Variants in NARS1 observed in about 807,000 individuals in gnomAD.
NARS1 encodes asparaginyl-tRNA synthetase 1.
A neutral mutation model predicts 79.2 loss-of-function variants in NARS1; 65 were observed. The observed-to-expected ratio is 0.82, with a 90% CI of 0.67 to 1.01. NARS1 has a LOEUF of 1.01. NARS1 is among the 50% of genes least tolerant of loss of function. The probability of loss-of-function intolerance (pLI) is 0.00; values close to 1 mark genes in which losing one functional copy is unlikely to be tolerated. For missense variants in NARS1, 649 were observed against 673.8 expected (o/e 0.96, Z 0.41); for synonymous variants, 229 against 238.8 (o/e 0.96, Z 0.38).
intron 11 of NARS1, among the ~76,000 whole-genome samples, chr18:57,605,277 A>G (rs911722465): frequency 1.8e-4 from 27 of 151,914 alleles, no homozygotes; most frequent in African/African-American, 6.5e-4. Context: ...ATGAAGGAAG[A>G]GGGAAGAGGC....
At chr18:57,620,439 T>G in intron 2 of NARS1, 130 bp downstream of exon 2, 1 of 635,756 alleles carries the variant, frequency 1.6e-6, no homozygotes, top group Non-Finnish European at 2.8e-6. Flanking sequence ...TATGCATTCC[T>G]TACTTTCCCT....
At chr18:57,619,287 T>A (rs997178543) in intron 2 of NARS1, among the ~76,000 whole-genome samples, 3 of 133,930 alleles carry the variant, frequency 2.2e-5, no homozygotes, top group Non-Finnish European at 4.9e-5. Context: ...TTTTTTTTTT[T>A]GGTAGTTGGC....
Position 57,607,296 on chromosome 18 carries a change from CCTT to C in NARS1, c.836_838del (p.Glu279del). ...GTCAAGCTTGAAGAGTGTGGCACCACCTTCTACTTGTGTTTGCACTAATGTTGG... is the reference window on the plus strand; with the variant it reads ...GTCAAGCTTGAAGAGTGTGGCACCACCTACTTGTGTTTGCACTAATGTTGG... On this transcript the variant is annotated inframe_deletion, in exon 9 of 14. Transcript: ENST00000256854. 1 of 1,614,112 alleles carries C rather than the reference CCTT, an allele frequency of 6.2e-7. No homozygotes were observed. The highest frequency in any genetic ancestry group is 8.5e-7 in the Non-Finnish European group (1 of 1,180,028).
intron 6 of NARS1, 86 bp downstream of exon 6, chr18:57,611,551 A>C (rs1176685937): frequency 1.1e-6 from 1 of 884,540 alleles, no homozygotes; most frequent in East Asian, 3.0e-5. Context: ...CGACATAATA[A>C]ATGTTTTAAA....
At chr18:57,604,358 G>A (rs1444624061) in intron 11 of NARS1, among the ~76,000 whole-genome samples, 2 of 151,656 alleles carry the variant, frequency 1.3e-5, no homozygotes, top group Non-Finnish European at 2.9e-5. Flanking sequence ...TTTGAGACCA[G>A]CCCAGTCAAC....
At chr18:57,616,873 G>A (rs1908050540) in intron 2 of NARS1, among the ~76,000 whole-genome samples, 1 of 147,420 alleles carries the variant, frequency 6.8e-6, no homozygotes, top group Non-Finnish European at 1.5e-5. Context: ...GTGGTGGCGG[G>A]CGCCTGTAGA....
At chr18:57,621,078 G>C (rs1908278885) in intron 1 of NARS1, among the ~76,000 whole-genome samples, 1 of 152,098 alleles carries the variant, frequency 6.6e-6, no homozygotes, top group Non-Finnish European at 1.5e-5. Context: ...CTGTGCTGAG[G>C]ATGAAATAAA....
At chr18:57,604,920 C>T (rs1431236408) in intron 11 of NARS1, among the ~76,000 whole-genome samples, 1 of 152,008 alleles carries the variant, frequency 6.6e-6, no homozygotes, top group African/African-American at 2.4e-5. Context: ...CAAGTGCATG[C>T]TGGGAGAGTG....
At chr18:57,601,822 T>G (rs776934289) in intron 13 of NARS1, 39 bp from the exon 14 acceptor site, 1 of 1,601,494 alleles carries the variant, frequency 6.2e-7, no homozygotes, top group Non-Finnish European at 8.6e-7. Context: ...GAGTAAATAC[T>G]TAAGTTAAAA....
intron 4 of NARS1, among the ~76,000 whole-genome samples, chr18:57,614,619 A>G (rs1207957382): frequency 6.6e-6 from 1 of 152,244 alleles, no homozygotes; most frequent in Non-Finnish European, 1.5e-5. Flanking sequence ...ATCTAATTTC[A>G]CAATTCACAA....
At chr18:57,620,739 G>A in intron 1 of NARS1, 88 bp from the exon 2 acceptor site, 1 of 707,086 alleles carries the variant, frequency 1.4e-6, no homozygotes, top group Non-Finnish European at 2.4e-6. Flanking sequence ...TTTGTAAACA[G>A]AACAAGCATC....
At chr18:57,607,401 C>CA in intron 8 of NARS1, 43 bp downstream of exon 8, 1 of 1,611,748 alleles carries the variant, frequency 6.2e-7, no homozygotes, top group Non-Finnish European at 8.5e-7. Flanking sequence ...TTCAAAACGG[C>CA]AAAAAACATA....
intron 9 of NARS1, 128 bp from the exon 10 acceptor site, chr18:57,606,879 T>C: frequency 8.1e-7 from 1 of 1,228,552 alleles, no homozygotes. Flanking sequence ...CTTTGCAAAT[T>C]AGCTGTGGAC....
intron 4 of NARS1, 81 bp downstream of exon 4, chr18:57,615,560 C>G: frequency 1.1e-6 from 1 of 884,384 alleles, no homozygotes; most frequent in Non-Finnish European, 1.8e-6. Context: ...AGGAACAAAC[C>G]ATGTGACATG....
chr18:57,613,122 G>A (rs2051618170), intron 5 of NARS1, among the ~76,000 whole-genome samples: 1 of 152,076 alleles, frequency 6.6e-6, no homozygotes, highest in Non-Finnish European at 1.5e-5. Context: ...GAGGTGCTAT[G>A]TGCCTGTAAT....
intron 7 of NARS1, 108 bp from the exon 8 acceptor site, chr18:57,607,773 A>G: frequency 1.2e-6 from 1 of 850,728 alleles, no homozygotes; most frequent in Non-Finnish European, 1.8e-6. Flanking sequence ...TGAGATTTTT[A>G]AGAACCTCCT....
At chr18:57,615,048 G>A (rs1403754681) in intron 4 of NARS1, among the ~76,000 whole-genome samples, 1 of 152,018 alleles carries the variant, frequency 6.6e-6, no homozygotes, top group Non-Finnish European at 1.5e-5. Context: ...AGGTGTGGTG[G>A]TGCATGCCTG....
At chr18:57,615,107 G>A (rs317821) in intron 4 of NARS1, among the ~76,000 whole-genome samples, 72,389 of 152,006 alleles carry the variant, frequency 0.48, 17,485 homozygotes, top group East Asian at 0.65. Flanking sequence ...GGCAGAGGTT[G>A]CAGTGAGCAG....
In NARS1 at chr18:57,602,900, T is replaced by C. The variant is rs745936584; in HGVS notation, c.1295A>G (p.Asn432Ser). Residue 432 changes from asparagine to serine, a missense_variant, in exon 12 of 14, where the codon AAT becomes AGT. Coordinates refer to ENST00000256854, the MANE Select transcript of NARS1 (RefSeq NM_004539.4). ...AAATCGACACAGCAAGATTGGTTCA[T>C]TAATGGTGTCTGTCATCAGTCTCTC... ...APERLMTDTI[N>S]EPILLCRFPV... 1 of 1,614,006 alleles carries C rather than the reference T, an allele frequency of 6.2e-7. No individual in the cohort carries two copies. The highest frequency in any genetic ancestry group is 1.3e-5 in the African/African-American group (1 of 74,926).
Sources: gnomAD v4.1 joint callset for allele counts (sites outside exome capture counted in the v4.1 genomes callset) on GRCh38, gnomAD v4.1.1 for gene constraint, MANE v1.5 for transcripts, NCBI Gene and HGNC (gene_info 2026-07-23, HGNC 2026-07-21) for gene names.